Variants in WWTR1 observed in about 807,000 individuals in gnomAD.
The protein encoded by WWTR1 is WW domain containing transcription regulator 1.
A neutral mutation model predicts 40.1 loss-of-function variants in WWTR1; 13 were observed. The observed-to-expected ratio is 0.32, with a 90% CI of 0.21 to 0.52. The LOEUF is 0.52. WWTR1 is among the 20% of genes least tolerant of loss of function. WWTR1 has a pLI of 0.97. For missense variants in WWTR1, 436 were observed against 523.1 expected, an observed-to-expected ratio of 0.83 and a Z score of 1.63; for synonymous variants, 230 against 210.1, an observed-to-expected ratio of 1.09 and a Z score of -0.82.
intron 1 of WWTR1, among the ~76,000 whole-genome samples, chr3:149,672,767 GGAA>G (rs1424593657): frequency 1.3e-5 from 2 of 149,968 alleles, no homozygotes; most frequent in African/African-American, 4.9e-5. Flanking sequence ...GGATGGTAAT[GGAA>G]GAAGTTTTTT....
At chr3:149,667,473 A>G (rs896844203) in intron 2 of WWTR1, among the ~76,000 whole-genome samples, 4 of 151,646 alleles carry the variant, frequency 2.6e-5, no homozygotes, top group African/African-American at 9.7e-5. Flanking sequence ...GCGTGAACCC[A>G]GGAGGTGGAG....
chr3:149,584,701 C>T (rs1262554550), intron 2 of WWTR1, among the ~76,000 whole-genome samples: 1 of 152,172 alleles, frequency 6.6e-6, no homozygotes, highest in South Asian at 2.1e-4. Flanking sequence ...TATTTCTTGG[C>T]ATCTTCAGTC....
intron 2 of WWTR1, chr3:149,649,911 C>T (rs1380649437): frequency 2.9e-5 from 3 of 103,420 alleles, no homozygotes; most frequent in African/African-American, 8.1e-5. Context: ...GAGTGAAACG[C>T]TATCTCAAAA....
At chr3:149,545,796 C>T (rs1353645335) in intron 3 of WWTR1, among the ~76,000 whole-genome samples, 4 of 152,238 alleles carry the variant, frequency 2.6e-5, no homozygotes, top group Non-Finnish European at 4.4e-5. Flanking sequence ...GCTGGGATTA[C>T]AGGCATGAGC....
chr3:149,665,905 G>A (rs529321734), intron 2 of WWTR1, among the ~76,000 whole-genome samples: 1 of 152,248 alleles, frequency 6.6e-6, no homozygotes, highest in African/African-American at 2.4e-5. Flanking sequence ...GGTGTGATGA[G>A]AGAACTAATT....
At chr3:149,626,256 G>A (rs917327302) in intron 2 of WWTR1, among the ~76,000 whole-genome samples, 1 of 152,062 alleles carries the variant, frequency 6.6e-6, no homozygotes, top group Admixed American at 6.6e-5. Flanking sequence ...TTCATTACTG[G>A]AGCCTACCAA....
intron 1 of WWTR1, among the ~76,000 whole-genome samples, chr3:149,686,225 G>T (rs989262701): frequency 6.6e-6 from 1 of 152,114 alleles, no homozygotes; most frequent in Non-Finnish European, 1.5e-5. Context: ...TACCATTCTT[G>T]GAGTATTCGA....
chr3:149,546,601 G>T (rs1736375471), intron 3 of WWTR1, among the ~76,000 whole-genome samples: 1 of 152,226 alleles, frequency 6.6e-6, no homozygotes, highest in African/African-American at 2.4e-5. Context: ...AGGGATGGGA[G>T]ATCTTCCTTT....
chr3:149,716,826 A>C (rs1484156260), intron 5 of WWTR1, among the ~76,000 whole-genome samples: 2 of 152,176 alleles, frequency 1.3e-5, no homozygotes, highest in African/African-American at 4.8e-5. Context: ...AATTTTTATA[A>C]GGACAGATCT....
upstream of WWTR1, chr3:149,658,542 G>A (rs924653456): frequency 2.0e-5 from 3 of 152,446 alleles, no homozygotes; most frequent in East Asian, 3.9e-4. Flanking sequence ...CCCCGGCGCG[G>A]GGAGACACCA....
chr3:149,690,109 G>A (rs1267892595), intron 1 of WWTR1, among the ~76,000 whole-genome samples: 1 of 151,594 alleles, frequency 6.6e-6, no homozygotes, highest in African/African-American at 2.4e-5. Flanking sequence ...TGGTAACCTT[G>A]AATTAAAAAA....
intron 2 of WWTR1, among the ~76,000 whole-genome samples, chr3:149,598,785 A>G (rs1739114601): frequency 6.6e-6 from 1 of 152,222 alleles, no homozygotes; most frequent in Non-Finnish European, 1.5e-5. Context: ...TAATGCTTCA[A>G]CAAACATCCA....
At chr3:149,640,782 T>C (rs936336411) in intron 2 of WWTR1, among the ~76,000 whole-genome samples, 1 of 151,974 alleles carries the variant, frequency 6.6e-6, no homozygotes, top group South Asian at 2.1e-4. Flanking sequence ...AGATAATAAA[T>C]ATATTATTTA....
intron 2 of WWTR1, among the ~76,000 whole-genome samples, chr3:149,615,938 T>C (rs1349475531): frequency 1.3e-5 from 2 of 152,218 alleles, no homozygotes; most frequent in African/African-American, 4.8e-5. Flanking sequence ...TCAGCCTCTC[T>C]CTGTTTATCC....
At chr3:149,679,206 C>G (rs1714374749) in intron 1 of WWTR1, among the ~76,000 whole-genome samples, 2 of 152,170 alleles carry the variant, frequency 1.3e-5, no homozygotes, top group South Asian at 2.1e-4. Context: ...TTGTTTTCCT[C>G]TCTGACTTCT....
chr3:149,693,393 T>A (rs146011616), intron 1 of WWTR1, among the ~76,000 whole-genome samples: 1 of 152,176 alleles, frequency 6.6e-6, no homozygotes, highest in African/African-American at 2.4e-5. Context: ...ATTGTTAATA[T>A]GCCTACACTA....
rs1713358818 is a variant in WWTR1, at chr3:149,657,950, T to C, written c.-189A>G. On this transcript the variant is annotated 5_prime_UTR_variant, in exon 1 of 7. Transcript: ENST00000360632. Reference sequence around the variant, plus strand: ...GCTTCGGCTCTCACATCCCCCGAGCTGGCCTAAGGCGCTAGTGCTGGGCGA... The same window carrying C: ...GCTTCGGCTCTCACATCCCCCGAGCCGGCCTAAGGCGCTAGTGCTGGGCGA... The C allele has an allele frequency of 1.3e-5, 2 of 152,568 alleles. No homozygotes were observed. The highest frequency in any genetic ancestry group is 2.1e-4 in the South Asian group (1 of 4,830). The allele number at this position is 152,568 out of a possible 1,614,324, so 9.5% of individuals were successfully genotyped here.
At position 149,538,211 on chromosome 3, in the gene WWTR1, C is replaced by A. The variant is rs150423888; in HGVS notation, c.771+4124G>T. On this transcript the variant is annotated intron_variant, in intron 4 of 6. Coordinates refer to ENST00000360632, the MANE Select transcript of WWTR1 (RefSeq NM_015472.6). ...CTGGGATTACACGCGTCAGCCACCA[C>A]GCTTAGTCAAAAATTAAAATTTTTT... Among the ~76,000 whole-genome samples, 363 of 152,228 alleles carry A rather than the reference C, an allele frequency of 2.4e-3. 2 individuals are homozygous for A. The highest frequency in any genetic ancestry group is 8.4e-3 in the African/African-American group (349 of 41,520).
At chr3:149,722,441 A>G (rs575202996) in intron 4 of WWTR1, among the ~76,000 whole-genome samples, 2 of 151,952 alleles carry the variant, frequency 1.3e-5, no homozygotes, top group East Asian at 3.9e-4. Flanking sequence ...TGTGTTCCAT[A>G]AGTTTGGGTA....
Sources: allele counts gnomAD v4.1 joint callset (sites outside exome capture counted in the v4.1 genomes callset), GRCh38; gene constraint gnomAD v4.1.1; transcripts MANE v1.5; gene names NCBI Gene and HGNC (gene_info 2026-07-23, HGNC 2026-07-21).